Variants in ZNF525 observed in about 807,000 individuals in gnomAD.
The protein encoded by ZNF525 is zinc finger protein 525.
In ZNF525, 33 loss-of-function variants were observed where a neutral mutation model predicts 37.6. The ratio of observed to expected loss-of-function variants is 0.88; its 90% CI spans 0.67 to 1.17. The LOEUF is 1.17. Ranked by LOEUF, ZNF525 falls within the 50% of genes most tolerant of loss-of-function variation. The probability of loss-of-function intolerance (pLI) is 0.00; values close to 1 mark genes in which losing one functional copy is unlikely to be tolerated. For synonymous variants in ZNF525, 170 were observed against 182.3 expected, an observed-to-expected ratio of 0.93 and a Z score of 0.54; for missense variants, 449 against 543.1, an observed-to-expected ratio of 0.83 and a Z score of 1.72.
In ZNF525 at chr19:53,383,265, A is replaced by G; in HGVS notation, c.*1246A>G. On this transcript the variant is annotated 3_prime_UTR_variant, in exon 4 of 4. Coordinates refer to ENST00000474037, the MANE Select transcript of ZNF525 (RefSeq NM_001348156.2). ...TGTAATGAGTGTGGCAAAACCTTCCATCACAATTCAGTCCTTGTAATTCAT... is the reference window on the plus strand; with the variant it reads ...TGTAATGAGTGTGGCAAAACCTTCCGTCACAATTCAGTCCTTGTAATTCAT... 5 of 1,421,462 alleles carry G rather than the reference A, an allele frequency of 3.5e-6. No homozygotes were observed. The highest frequency in any genetic ancestry group is 2.3e-5 in the South Asian group (2 of 87,746). 88.1% of individuals were successfully genotyped at this position (1,421,462 alleles called of 1,614,324 possible).
chr19:53,369,715 C>CTT (rs57431960), intron 1 of ZNF525, among the ~76,000 whole-genome samples: 959 of 81,130 alleles, frequency 0.012, 107 homozygotes, highest in Non-Finnish European at 0.017. Flanking sequence ...AAAGAAGTTT[C>CTT]TTTTTTTTTT....
At position 53,385,030 on chromosome 19, in the gene ZNF525, G is replaced by C. The variant is rs1260730809; in HGVS notation, c.*3011G>C. On this transcript the variant is annotated 3_prime_UTR_variant, in exon 4 of 4. Transcript: ENST00000474037. The stretch of plus-strand genomic sequence containing the variant: ...ACGCTTTTTCTCCATCTACTAAGGT[G>C]ATGTGGTTTTAATCTTTCATTCTGT... The C allele has an allele frequency of 8.6e-6, 6 of 698,906 alleles. No homozygotes were observed. Among genetic ancestry groups the C allele is most frequent in the Admixed American group, 6.1e-5 (3 of 49,128 alleles). The allele number at this position is 698,906 out of a possible 1,614,324, so 43.3% of individuals were successfully genotyped here.
In ZNF525 at chr19:53,385,007, G is replaced by A. The variant is rs141032132; in HGVS notation, c.*2988G>A. 864 of 701,274 alleles carry A rather than the reference G, an allele frequency of 1.2e-3. 3 individuals carry two copies. Among genetic ancestry groups the A allele is most frequent in the Non-Finnish European group, 1.8e-3 (673 of 384,376 alleles). The allele number at this position is 701,274 out of a possible 1,614,324, so 43.4% of individuals were successfully genotyped here. On this transcript the variant is annotated 3_prime_UTR_variant, in exon 4 of 4. Coordinates refer to ENST00000474037, the MANE Select transcript of ZNF525 (RefSeq NM_001348156.2). ...GACTGGATTTTGAATTTTGTGGAACGCTTTTTCTCCATCTACTAAGGTGAT... is the reference window on the plus strand; with the variant it reads ...GACTGGATTTTGAATTTTGTGGAACACTTTTTCTCCATCTACTAAGGTGAT...
At chr19:53,365,986 C>T (rs1324295053) in intron 1 of ZNF525, among the ~76,000 whole-genome samples, 2 of 152,116 alleles carry the variant, frequency 1.3e-5, no homozygotes, top group Non-Finnish European at 2.9e-5. Flanking sequence ...AATATATACA[C>T]TTTCTATCGC....
In ZNF525 at chr19:53,386,150, C is replaced by G; in HGVS notation, c.*4131C>G. ...TAGCCTGAGCAACAAGAGCAAAACTCCATCTCAAAAAAAAAAAAATTGTCA... is the reference window on the plus strand; with the variant it reads ...TAGCCTGAGCAACAAGAGCAAAACTGCATCTCAAAAAAAAAAAAATTGTCA... On this transcript the variant is annotated 3_prime_UTR_variant, in exon 4 of 4. Transcript: ENST00000474037. 2.2e-6 allele frequency: 1 copy of G among 444,646 alleles called. No individual in the cohort carries two copies. The highest frequency in any genetic ancestry group is 4.2e-6 in the Non-Finnish European group (1 of 235,670). 27.5% of individuals were successfully genotyped at this position (444,646 alleles called of 1,614,324 possible).
At chr19:53,366,098 C>T (rs933621436) in intron 1 of ZNF525, among the ~76,000 whole-genome samples, 13 of 152,198 alleles carry the variant, frequency 8.5e-5, no homozygotes, top group Non-Finnish European at 1.3e-4. Flanking sequence ...CTCCCAGCCT[C>T]GCCCTCGTCG....
At chr19:53,370,019 C>T (rs545468555) in intron 1 of ZNF525, among the ~76,000 whole-genome samples, 38 of 151,452 alleles carry the variant, frequency 2.5e-4, no homozygotes, top group African/African-American at 5.3e-4. Flanking sequence ...CCACCGCGCC[C>T]GGCCAAGAAG....
chr19:53,386,272 G>A lies in ZNF525; in HGVS notation c.*4253G>A. 1 of 676,736 alleles carries A rather than the reference G, an allele frequency of 1.5e-6. No individual in the cohort carries two copies. 41.9% of individuals were successfully genotyped at this position (676,736 alleles called of 1,614,324 possible). A position where few individuals can be genotyped will look rare whatever the true frequency, so the allele number is the denominator to read the frequency against. Reference sequence around the variant, plus strand: ...GACTTTCAGGATTAAGCGATTCCTGGCCAAGAAACAAAAGCAAAACCATCC... The same window carrying A: ...GACTTTCAGGATTAAGCGATTCCTGACCAAGAAACAAAAGCAAAACCATCC... On this transcript the variant is annotated 3_prime_UTR_variant, in exon 4 of 4. Coordinates refer to ENST00000474037, the MANE Select transcript of ZNF525 (RefSeq NM_001348156.2).
rs1306922460 is a variant in ZNF525, at chr19:53,383,417, C to CA, written c.*1401dup. 1 of 1,067,424 alleles carries CA rather than the reference C, an allele frequency of 9.4e-7. No individual in the cohort carries two copies. Among genetic ancestry groups the CA allele is most frequent in the African/African-American group, 1.6e-5 (1 of 62,998 alleles). The allele number at this position is 1,067,424 out of a possible 1,614,324, so 66.1% of individuals were successfully genotyped here. A position where few individuals can be genotyped will look rare whatever the true frequency, so the allele number is the denominator to read the frequency against. On this transcript the variant is annotated 3_prime_UTR_variant, in exon 4 of 4. Transcript: ENST00000474037. ...AACCTTAGAAATGTGAAGAATGTGACAAAGTTTACAGTCGCAAATCAAACC... is the reference window on the plus strand; with the variant it reads ...AACCTTAGAAATGTGAAGAATGTGACAAAAGTTTACAGTCGCAAATCAAACC...
rs769222619 is a variant in ZNF525 at position 53,380,740 on chromosome 19, C to T, written c.161C>T (p.Thr54Ile). ...TTTGTAGGTATCTCTTCCAAATGCA[C>T]AATGAAGGAGTTCTCATCAACAGCA... ...LVSLGISSKC[T>I]MKEFSSTAQG... The change falls in exon 4 of 4, where the codon ACA becomes ATA. Residue 54 changes from threonine to isoleucine, a missense_variant. By Grantham distance (89) the Thr-to-Ile change is moderately conservative (BLOSUM62 -1). Coordinates refer to ENST00000474037, the MANE Select transcript of ZNF525 (RefSeq NM_001348156.2). 5 of 1,249,276 alleles carry T rather than the reference C, an allele frequency of 4.0e-6. No homozygotes were observed. Among genetic ancestry groups the T allele is most frequent in the Non-Finnish European group, 5.8e-6 (5 of 857,060 alleles). The allele number at this position is 1,249,276 out of a possible 1,614,324, so 77.4% of individuals were successfully genotyped here.
Position 53,382,102 on chromosome 19 carries a change from C to T in ZNF525, c.*83C>T. 6.5e-7 allele frequency: 1 copy of T among 1,533,990 alleles called. No individual in the cohort carries two copies. Among genetic ancestry groups the T allele is most frequent in the Non-Finnish European group, 9.0e-7 (1 of 1,115,756 alleles). On this transcript the variant is annotated 3_prime_UTR_variant, in exon 4 of 4. Coordinates refer to ENST00000474037, the MANE Select transcript of ZNF525 (RefSeq NM_001348156.2). ...TGTGGCAAGATCTTCAGTCATACGTCATCCATTGTATACCATCATAAATTT... is the reference window on the plus strand; with the variant it reads ...TGTGGCAAGATCTTCAGTCATACGTTATCCATTGTATACCATCATAAATTT...
At chr19:53,372,344 AT>A (rs747994769) in intron 2 of ZNF525, 48 bp downstream of exon 2, 1 of 759,996 alleles carries the variant, frequency 1.3e-6, no homozygotes. Flanking sequence ...CCTTTCAGAA[AT>A]GCTGACCTTG....
chr19:53,367,335 T>C (rs2085455801), intron 1 of ZNF525, among the ~76,000 whole-genome samples: 1 of 152,014 alleles, frequency 6.6e-6, no homozygotes, highest in Non-Finnish European at 1.5e-5. Context: ...AAATTTCTGC[T>C]TCAGTTTCTT....
intron 3 of ZNF525, among the ~76,000 whole-genome samples, chr19:53,377,972 G>T (rs1424295844): frequency 6.6e-6 from 1 of 152,148 alleles, no homozygotes; most frequent in Non-Finnish European, 1.5e-5. Flanking sequence ...AGCCTTCAGT[G>T]ATGTGAATCA....
At chr19:53,366,417 C>T (rs1341417575) in intron 1 of ZNF525, among the ~76,000 whole-genome samples, 1 of 150,922 alleles carries the variant, frequency 6.6e-6, no homozygotes, top group Non-Finnish European at 1.5e-5. Flanking sequence ...TTGTGTGGGC[C>T]AAAGGGATCG....
At chr19:53,366,823 T>G in intron 1 of ZNF525, among the ~76,000 whole-genome samples, 1 of 139,518 alleles carries the variant, frequency 7.2e-6, no homozygotes, top group East Asian at 2.1e-4. Flanking sequence ...GAAGAGAGAA[T>G]TTAACGGGGA....
intron 2 of ZNF525, 106 bp downstream of exon 2, chr19:53,372,402 C>T: frequency 1.4e-6 from 1 of 739,676 alleles, no homozygotes; most frequent in Admixed American, 1.9e-5. Context: ...GACAGGTTTG[C>T]TCACATTCAC....
At chr19:53,380,571 G>A (rs2085552064) in intron 3 of ZNF525, 151 bp from the exon 4 acceptor site, 3 of 537,298 alleles carry the variant, frequency 5.6e-6, no homozygotes, top group Admixed American at 3.5e-5. Flanking sequence ...TTGGAAATAA[G>A]CTTTCATAAT....
At chr19:53,373,290 C>A (rs1329840288) in intron 2 of ZNF525, among the ~76,000 whole-genome samples, 2 of 152,006 alleles carry the variant, frequency 1.3e-5, no homozygotes, top group African/African-American at 2.4e-5. Flanking sequence ...TGACAAGTAT[C>A]ACCATGTTGG....
Sources: allele counts gnomAD v4.1 joint callset (sites outside exome capture counted in the v4.1 genomes callset), GRCh38; gene constraint gnomAD v4.1.1; transcripts MANE v1.5; gene names NCBI Gene and HGNC (gene_info 2026-07-23, HGNC 2026-07-21).